Variants in TIAM1 observed in about 807,000 individuals in gnomAD.
TIAM1 encodes TIAM Rac1 associated GEF 1.
Under a neutral mutation model 163.5 loss-of-function variants are expected in TIAM1, and 65 were observed. The observed-to-expected ratio is 0.40, with a 90% CI of 0.33 to 0.49. The LOEUF is 0.49. TIAM1 is among the 20% of genes least tolerant of loss of function. The probability of loss-of-function intolerance (pLI) is 0.77; values close to 1 mark genes in which losing one functional copy is unlikely to be tolerated. For missense variants in TIAM1, 1,789 were observed against 2,044.7 expected (o/e 0.87, Z 2.41); for synonymous variants, 833 against 810.1 (o/e 1.03, Z -0.48).
At chr21:31,461,491 T>C (rs966649709) in intron 2 of TIAM1, among the ~76,000 whole-genome samples, 2 of 151,932 alleles carry the variant, frequency 1.3e-5, no homozygotes, top group African/African-American at 2.4e-5. Context: ...CTCAAAAAAA[T>C]AAAAATTTAA....
At chr21:31,393,316 A>G (rs188269474) in intron 2 of TIAM1, among the ~76,000 whole-genome samples, 5 of 152,252 alleles carry the variant, frequency 3.3e-5, no homozygotes, top group African/African-American at 1.2e-4. Flanking sequence ...ACCGATTAAC[A>G]CAGTACTTTG....
rs566377871 is a variant in TIAM1 at position 31,418,666 on chromosome 21, G to C, written c.-369+45317C>G. Among the ~76,000 whole-genome samples, 3 of 152,252 alleles carry C rather than the reference G, an allele frequency of 2.0e-5. No homozygotes were observed. In the South Asian group the frequency reaches 6.2e-4, roughly 32 times the overall value. On this transcript the variant is annotated intron_variant, in intron 2 of 28. Coordinates refer to the TIAM1 transcript ENST00000286827. The stretch of plus-strand genomic sequence containing the variant: ...AAGTGCAGCCCAGCTTTAAACACAG[G>C]AGTTAGAGGGGTCACCTCAAATGAA...
intron 2 of TIAM1, among the ~76,000 whole-genome samples, chr21:31,290,646 CAAAAAAAAAAA>C (rs200030849): frequency 3.3e-4 from 21 of 63,206 alleles, no homozygotes; most frequent in Middle Eastern, 8.2e-3. Context: ...GACTCTATCT[CAAAAAAAAAAA>C]AAAAAAAAAA....
chr21:31,126,351 G>C (rs929117934), intron 26 of TIAM1, among the ~76,000 whole-genome samples: 1 of 152,074 alleles, frequency 6.6e-6, no homozygotes, highest in African/African-American at 2.4e-5. Context: ...GGCAGACCAC[G>C]ATGTCAGGAG....
chr21:31,477,321 G>C (rs2045963628), intron 1 of TIAM1, among the ~76,000 whole-genome samples: 1 of 152,162 alleles, frequency 6.6e-6, no homozygotes, highest in Non-Finnish European at 1.5e-5. Context: ...AAAGAGTTGG[G>C]AGAGGCAATC....
chr21:31,446,378 A>G (rs186670690), intron 2 of TIAM1, among the ~76,000 whole-genome samples: 184 of 152,322 alleles, frequency 1.2e-3, no homozygotes, highest in African/African-American at 4.1e-3. Flanking sequence ...CCAAACAGCC[A>G]TTCTAGGGGC....
chr21:31,425,651 T>TTCTTTCTTTCTCTCTC (rs1314913452), intron 2 of TIAM1, among the ~76,000 whole-genome samples: 2 of 122,476 alleles, frequency 1.6e-5, no homozygotes, highest in Non-Finnish European at 3.2e-5. Flanking sequence ...CTCTCCCTCT[T>TTCTTTCTTTCTCTCTC]TCTTTCTTTC....
chr21:31,321,145 G>A (rs1238290042), intron 2 of TIAM1, among the ~76,000 whole-genome samples: 1 of 151,920 alleles, frequency 6.6e-6, no homozygotes, highest in South Asian at 2.1e-4. Flanking sequence ...GAAAGAAGGG[G>A]GCGGGGGGGG....
intron 1 of TIAM1, among the ~76,000 whole-genome samples, chr21:31,483,412 T>A (rs1247224279): frequency 1.3e-5 from 2 of 152,166 alleles, no homozygotes; most frequent in African/African-American, 4.8e-5. Flanking sequence ...CAGCACCAGG[T>A]TGAGGCTGAG....
At chr21:31,434,953 T>G (rs558022301) in intron 2 of TIAM1, among the ~76,000 whole-genome samples, 1 of 152,348 alleles carries the variant, frequency 6.6e-6, no homozygotes, top group South Asian at 2.1e-4. Flanking sequence ...TGAAGTATTA[T>G]GGTTAAAAGT....
intron 2 of TIAM1, among the ~76,000 whole-genome samples, chr21:31,371,928 C>T (rs1384154625): frequency 6.6e-6 from 1 of 152,188 alleles, no homozygotes; most frequent in Non-Finnish European, 1.5e-5. Flanking sequence ...AGAGCCCACC[C>T]TCGGTGAACT....
intron 1 of TIAM1, among the ~76,000 whole-genome samples, chr21:31,468,150 G>A (rs986518249): frequency 2.0e-5 from 3 of 151,690 alleles, no homozygotes; most frequent in Non-Finnish European, 2.9e-5. Context: ...TCAAAAGTGC[G>A]ATCTACTTGC....
In TIAM1 at chr21:31,127,083, A is replaced by G. The variant is rs1188599305; in HGVS notation, c.4115T>C (p.Val1372Ala). 6.2e-7 allele frequency: 1 copy of G among 1,613,972 alleles called. No individual in the cohort carries two copies. Among genetic ancestry groups the G allele is most frequent in the African/African-American group, 1.3e-5 (1 of 75,012 alleles). ...KSESEGRPER[V>A]FHLCCSSPES... is the part of the protein sequence containing the mutation. ...GGCTCACCTGCAGCACAAGTGAAAG[A>G]CCCTCTCCGGCCTCCCTTCAGACTC... The change falls in exon 26 of 28, where the codon GTC becomes GCC. Residue 1372 changes from valine (V) to alanine (A), a missense_variant. Val to Ala is a moderately conservative substitution (Grantham distance 64). Coordinates refer to ENST00000541036, the MANE Select transcript of TIAM1 (RefSeq NM_001353694.2).
chr21:31,552,322 A>G (rs973745258), intron 1 of TIAM1, among the ~76,000 whole-genome samples: 5 of 152,188 alleles, frequency 3.3e-5, no homozygotes, highest in African/African-American at 1.2e-4. Flanking sequence ...TGCATGAAAT[A>G]AAAATATAAT....
At chr21:31,508,253 G>C (rs988369725) in intron 1 of TIAM1, among the ~76,000 whole-genome samples, 5 of 152,172 alleles carry the variant, frequency 3.3e-5, no homozygotes, top group African/African-American at 1.2e-4. Context: ...CCCCTCCATG[G>C]TACTCTGTTA....
chr21:31,520,371 G>C (rs2047540376), intron 1 of TIAM1, among the ~76,000 whole-genome samples: 1 of 151,574 alleles, frequency 6.6e-6, no homozygotes, highest in Non-Finnish European at 1.5e-5. Context: ...GACAAACGAT[G>C]TTATACATAT....
chr21:31,467,627 A>G (rs2045579677), intron 1 of TIAM1, among the ~76,000 whole-genome samples: 1 of 149,142 alleles, frequency 6.7e-6, no homozygotes, highest in East Asian at 1.9e-4. Context: ...CTCCATCTCA[A>G]AAAAAAAAAG....
At chr21:31,398,159 A>G (rs968913760) in intron 2 of TIAM1, among the ~76,000 whole-genome samples, 1 of 81,392 alleles carries the variant, frequency 1.2e-5, no homozygotes, top group Non-Finnish European at 2.3e-5. Flanking sequence ...TCTTCAGGGC[A>G]AAAAAAAAAA....
intron 1 of TIAM1, among the ~76,000 whole-genome samples, chr21:31,511,828 C>T (rs1269939950): frequency 6.6e-6 from 1 of 152,130 alleles, no homozygotes; most frequent in African/African-American, 2.4e-5. Context: ...ACTTACACCT[C>T]GTTGCTAGGG....
Sources: allele counts gnomAD v4.1 joint callset (sites outside exome capture counted in the v4.1 genomes callset), GRCh38; gene constraint gnomAD v4.1.1; transcripts MANE v1.5; gene names NCBI Gene and HGNC (gene_info 2026-07-23, HGNC 2026-07-21).